FBXL13: variants seen among roughly 807,000 people sequenced by gnomAD.
The protein encoded by FBXL13 is F-box and leucine-rich repeat protein 13.
Under a neutral mutation model 83.6 loss-of-function variants are expected in FBXL13, and 67 were observed. That is an observed-to-expected ratio of 0.80 (90% CI 0.66 to 0.98). The LOEUF (loss-of-function observed/expected upper bound fraction) is 0.98, where lower values mean the gene tolerates loss of function less well. Among genes scored for constraint, FBXL13 ranks in the 50% least tolerant of loss-of-function variants. FBXL13 has a pLI of 0.00. For missense variants in FBXL13, 822 were observed against 866.5 expected (o/e 0.95, Z 0.64); for synonymous variants, 272 against 299.5 (o/e 0.91, Z 0.95).
intron 19 of FBXL13, among the ~76,000 whole-genome samples, chr7:102,815,197 C>A (rs770781311): frequency 6.6e-6 from 1 of 152,166 alleles, no homozygotes; most frequent in Non-Finnish European, 1.5e-5. Flanking sequence ...GGAAATGGCT[C>A]AAACCCAGTC....
chr7:103,053,444 C>T (rs1191390137), intron 2 of FBXL13, among the ~76,000 whole-genome samples: 2 of 152,176 alleles, frequency 1.3e-5, no homozygotes, highest in African/African-American at 4.8e-5. Context: ...TGAGCCACCG[C>T]ACCCAGCCAG....
At chr7:102,972,724 AAAT>A (rs1418681343) in intron 6 of FBXL13, among the ~76,000 whole-genome samples, 1 of 151,596 alleles carries the variant, frequency 6.6e-6, no homozygotes, top group South Asian at 2.1e-4. Context: ...AAAAGATAAT[AAAT>A]AATAAATAAA....
chr7:103,028,519 C>T, intron 4 of FBXL13, 81 bp downstream of exon 5: 1 of 1,001,098 alleles, frequency 1.0e-6, no homozygotes, highest in South Asian at 3.1e-5. Flanking sequence ...CTCTAAGTAC[C>T]CAAAGTATGC....
rs116925106 is a variant in FBXL13 at position 103,013,243 on chromosome 7, C to T, written c.495+11820G>A. ...ACAGATCATCGAGGCAGAAAACTAA[C>T]GCAAGTATTCAGGACCTGAACTCAA... is the stretch of plus-strand genomic sequence containing the variant. On this transcript the variant is annotated intron_variant, in intron 6 of 19. Coordinates refer to ENST00000313221, the Ensembl canonical transcript of FBXL13. Among the ~76,000 whole-genome samples, 166 of 152,266 alleles carry T rather than the reference C, an allele frequency of 1.1e-3. 1 individual carries two copies. The highest frequency in any genetic ancestry group is 6.2e-3 in the East Asian group (32 of 5,186).
At chr7:102,882,275 T>A (rs2129458828) in intron 14 of FBXL13, among the ~76,000 whole-genome samples, 1 of 152,092 alleles carries the variant, frequency 6.6e-6, no homozygotes, top group South Asian at 2.1e-4. Flanking sequence ...AATAAATAAA[T>A]AAAAGATTTT....
downstream of FBXL13, among the ~76,000 whole-genome samples, chr7:102,812,962 C>T (rs1042327483): frequency 1.1e-4 from 16 of 151,738 alleles, no homozygotes; most frequent in African/African-American, 3.6e-4. Context: ...CCTGCCTCAG[C>T]CTCCTGAGTA....
intron 17 of FBXL13, among the ~76,000 whole-genome samples, chr7:102,845,569 G>C (rs1020426890): frequency 6.6e-6 from 1 of 152,148 alleles, no homozygotes; most frequent in African/African-American, 2.4e-5. Flanking sequence ...CAGATGCATG[G>C]ACATCGTCTT....
At position 102,879,438 on chromosome 7, in the gene FBXL13, G is replaced by GGTGTGT. The variant is rs1563033600; in HGVS notation, c.1389-989_1389-988insACACAC. Among the ~76,000 whole-genome samples, 9 of 93,660 alleles carry GGTGTGT rather than the reference G, an allele frequency of 9.6e-5. No homozygotes were observed. In the South Asian group the frequency reaches 2.0e-3, roughly 21 times the overall value. The allele number at this position is 93,660 out of a possible 152,430, so 61.4% of individuals were successfully genotyped here. ...GCCAGCACCTAGGAAAGCAGTTAAG[G>GGTGTGT]ATGTGTGTGTGTGTGTGTGTGTGTG... On this transcript the variant is annotated intron_variant, in intron 14 of 19. Transcript: ENST00000313221.
chr7:102,976,327 GA>G (rs1827451437), intron 6 of FBXL13: 1 of 627,920 alleles, frequency 1.6e-6, no homozygotes, highest in African/African-American at 1.8e-5. Flanking sequence ...CTCTATTGTG[GA>G]AATTGATGAA....
At chr7:102,973,655 C>A in intron 6 of FBXL13, 1 of 766,334 alleles carries the variant, frequency 1.3e-6, no homozygotes, top group Admixed American at 1.7e-5. Context: ...GGTCTTCGTC[C>A]CCCGTGGACC....
intron 11 of FBXL13, among the ~76,000 whole-genome samples, chr7:102,895,348 C>T (rs1422382802): frequency 2.0e-5 from 3 of 152,164 alleles, no homozygotes; most frequent in African/African-American, 7.2e-5. Flanking sequence ...ACAACTGAGG[C>T]TGGAAATGAA....
At position 103,044,361 on chromosome 7, in the gene FBXL13, A is replaced by C. The variant is rs11983693; in HGVS notation, c.-1+11283T>G. Among the ~76,000 whole-genome samples the C allele has an allele frequency of 5.5e-3, 831 of 152,344 alleles. 7 individuals are homozygous for C. Among genetic ancestry groups the C allele is most frequent in the African/African-American group, 0.019 (780 of 41,584 alleles). ...TTTGAACACAGCCACATGTAAAAAGACATTTTTGAGACAATCTGGGAAACT... is the reference window on the plus strand; with the variant it reads ...TTTGAACACAGCCACATGTAAAAAGCCATTTTTGAGACAATCTGGGAAACT... On this transcript the variant is annotated intron_variant, in intron 2 of 19. Transcript: ENST00000313221.
chr7:102,834,129 AG>A (rs1801382417), intron 17 of FBXL13, among the ~76,000 whole-genome samples: 1 of 104,392 alleles, frequency 9.6e-6, no homozygotes, highest in African/African-American at 4.6e-5. Context: ...AAAGAAAGAA[AG>A]AAAGAAAGAA....
At chr7:102,990,103 T>A (rs138246036) in intron 6 of FBXL13, among the ~76,000 whole-genome samples, 79 of 152,342 alleles carry the variant, frequency 5.2e-4, no homozygotes, top group Non-Finnish European at 7.5e-4. Context: ...ATTGGAAATG[T>A]CCTTATCATG....
intron 8 of FBXL13, chr7:102,942,332 T>C: frequency 6.3e-7 from 1 of 1,590,994 alleles, no homozygotes. Flanking sequence ...ACGTGAATGA[T>C]TTTTGCTGTG....
intron 9 of FBXL13, among the ~76,000 whole-genome samples, 196 bp from the exon 11 acceptor site, chr7:102,926,570 C>T (rs978310306): frequency 3.3e-5 from 5 of 152,280 alleles, no homozygotes; most frequent in African/African-American, 1.2e-4. Flanking sequence ...CATCATTACT[C>T]CCTCCTTTTC....
At chr7:103,045,255 A>G (rs1034375675) in intron 2 of FBXL13, among the ~76,000 whole-genome samples, 2 of 152,302 alleles carry the variant, frequency 1.3e-5, no homozygotes, top group Middle Eastern at 3.4e-3. Context: ...ATTGGCCAAG[A>G]CTCAGCTATT....
intron 1 of FBXL13, among the ~76,000 whole-genome samples, chr7:103,064,235 T>C (rs1256824740): frequency 6.6e-6 from 1 of 152,212 alleles, no homozygotes; most frequent in Admixed American, 6.5e-5. Context: ...ACCTTCTGCC[T>C]CCCTGTCGTT....
At chr7:102,934,183 A>T in intron 8 of FBXL13, 3 of 1,614,246 alleles carry the variant, frequency 1.9e-6, no homozygotes, top group Non-Finnish European at 2.5e-6. Context: ...TGCTAGCAAG[A>T]AACAAGATCC....
Sources: gnomAD v4.1 joint callset for allele counts (sites outside exome capture counted in the v4.1 genomes callset) on GRCh38, gnomAD v4.1.1 for gene constraint, MANE v1.5 for transcripts, NCBI Gene and HGNC (gene_info 2026-07-23, HGNC 2026-07-21) for gene names.